TTLL11: variants seen among roughly 807,000 people sequenced by gnomAD.
TTLL11 encodes tubulin polyglutamylase TTLL11.
TTLL11 carries 42 observed loss-of-function variants against 51.7 expected under a neutral mutation model. The ratio of observed to expected loss-of-function variants is 0.81; its 90% CI spans 0.64 to 1.05. TTLL11 has a LOEUF of 1.05. Ranked by LOEUF, TTLL11 falls within the 50% of genes least tolerant of loss-of-function variation. The pLI, the probability that TTLL11 is intolerant of heterozygous loss-of-function variation, is 0.00. For synonymous variants in TTLL11, 381 were observed against 383.5 expected, an observed-to-expected ratio of 0.99 and a Z score of 0.08; for missense variants, 799 against 940.4, an observed-to-expected ratio of 0.85 and a Z score of 1.97.
intron 8 of TTLL11, among the ~76,000 whole-genome samples, chr9:121,838,364 G>A (rs1039964269): frequency 2.0e-5 from 3 of 152,016 alleles, no homozygotes; most frequent in Non-Finnish European, 2.9e-5. Flanking sequence ...CAGCCTCCTC[G>A]CTGGTCTCCC....
intron 3 of TTLL11, among the ~76,000 whole-genome samples, chr9:122,000,632 G>A (rs891123278): frequency 1.3e-5 from 2 of 152,140 alleles, no homozygotes; most frequent in African/African-American, 2.4e-5. Context: ...CAAATGGCAT[G>A]GCAACGTCAG....
At position 122,093,302 on chromosome 9, in the gene TTLL11, G is replaced by T; in HGVS notation, c.-154C>A. 6.3e-7 allele frequency: 1 copy of T among 1,576,414 alleles called. No individual in the cohort carries two copies. The highest frequency in any genetic ancestry group is 1.7e-4 in the Middle Eastern group (1 of 5,920). Reference sequence around the variant, plus strand: ...GATCGCTCAGGCTCGGGTTGACAGCGGCAGTCACCGCATCGAGACGGGGTC... The same window carrying T: ...GATCGCTCAGGCTCGGGTTGACAGCTGCAGTCACCGCATCGAGACGGGGTC... On this transcript the variant is annotated 5_prime_UTR_variant, in exon 1 of 9. Transcript: ENST00000321582.
chr9:121,877,955 A>C (rs934433513), intron 6 of TTLL11, among the ~76,000 whole-genome samples: 4 of 152,142 alleles, frequency 2.6e-5, no homozygotes, highest in Non-Finnish European at 5.9e-5. Flanking sequence ...ATCTCCTTTG[A>C]CCCTAGCAAG....
intron 3 of TTLL11, among the ~76,000 whole-genome samples, chr9:121,994,592 G>C (rs1843201750): frequency 6.6e-6 from 1 of 152,182 alleles, no homozygotes. Context: ...GCAGATTCCA[G>C]AGCCCATGCC....
At chr9:121,825,391 C>T (rs1836721398) in intron 8 of TTLL11, among the ~76,000 whole-genome samples, 1 of 152,222 alleles carries the variant, frequency 6.6e-6, no homozygotes, top group South Asian at 2.1e-4. Flanking sequence ...AACTGTGTGT[C>T]CCTGGTCCCT....
intron 6 of TTLL11, among the ~76,000 whole-genome samples, chr9:121,931,581 AT>A (rs199825313): frequency 0.031 from 2,494 of 80,366 alleles, 59 homozygotes; most frequent in South Asian, 0.043. Flanking sequence ...TGTTTCTACT[AT>A]TTAAAAAAAA....
chr9:122,074,737 C>CAA (rs11427901), intron 1 of TTLL11, among the ~76,000 whole-genome samples: 74 of 126,724 alleles, frequency 5.8e-4, no homozygotes, highest in African/African-American at 9.4e-4. Context: ...TTCGTCTCTA[C>CAA]AAAAAAAAAA....
rs140709315 is a variant in TTLL11, at chr9:121,870,713, T to C, written c.1517A>G (p.Glu506Gly). 224 of 1,549,826 alleles carry C rather than the reference T, an allele frequency of 1.4e-4. 1 individual carries two copies. The East Asian group carries it at 5.2e-3, about 36-fold the overall frequency. ...GGTCAGCTCGCCGTCCAAAGCATCTTCCTTTCCAGCGAATGGTTTTTCAAG... is the reference window on the plus strand; with the variant it reads ...GGTCAGCTCGCCGTCCAAAGCATCTCCCTTTCCAGCGAATGGTTTTTCAAG... Reference protein sequence around the residue: ...QQLEKPFAGKEDALDGELTSA... With the variant: ...QQLEKPFAGKGDALDGELTSA... The change falls in exon 7 of 9, where the codon GAA becomes GGA. Residue 506 changes from glutamate to glycine, a missense_variant. Physicochemically the swap from Glu to Gly is moderately conservative, Grantham distance 98. Transcript: ENST00000321582.
intron 6 of TTLL11, among the ~76,000 whole-genome samples, chr9:121,895,569 GGTT>G (rs1182312525): frequency 1.3e-5 from 2 of 151,594 alleles, no homozygotes; most frequent in East Asian, 1.9e-4. Context: ...GTGTCTGTGT[GGTT>G]GTGTGTTTGT....
intron 1 of TTLL11, among the ~76,000 whole-genome samples, chr9:122,047,052 G>T (rs909228474): frequency 2.0e-5 from 3 of 152,122 alleles, no homozygotes; most frequent in Non-Finnish European, 4.4e-5. Context: ...ACCATGGTAG[G>T]GGCTGTGGAA....
intron 8 of TTLL11, 83 bp downstream of exon 8, chr9:121,860,254 C>T (rs1837964051): frequency 2.8e-6 from 3 of 1,063,874 alleles, no homozygotes; most frequent in East Asian, 5.3e-5. Context: ...CCCATCTGAA[C>T]CCTTGACAAG....
At chr9:121,935,573 A>C (rs1841175095) in intron 6 of TTLL11, among the ~76,000 whole-genome samples, 1 of 152,206 alleles carries the variant, frequency 6.6e-6, no homozygotes, top group African/African-American at 2.4e-5. Context: ...TAATCCAATT[A>C]GATTTTAGTT....
At chr9:122,058,349 G>A (rs1845350111) in intron 1 of TTLL11, among the ~76,000 whole-genome samples, 1 of 152,228 alleles carries the variant, frequency 6.6e-6, no homozygotes, top group Admixed American at 6.5e-5. Flanking sequence ...ACTCAGTGGA[G>A]ACAGAATCCA....
chr9:121,904,609 G>A (rs1427762090), intron 6 of TTLL11, among the ~76,000 whole-genome samples: 1 of 152,160 alleles, frequency 6.6e-6, no homozygotes, highest in African/African-American at 2.4e-5. Flanking sequence ...TTTAAGTCTG[G>A]AATCCTCACA....
rs530734872 is a variant in TTLL11, at chr9:121,825,504, T to C, written c.1841-2625A>G. 2.6e-4 allele frequency among the ~76,000 whole-genome samples: 39 copies of C among 152,324 alleles called. 1 individual carries two copies. In the South Asian group the frequency reaches 7.2e-3, roughly 28 times the overall value. ...TAGTATAATAGCACGTCTTCCTCTA[T>C]AAAGGAAGCAGCGTGCTGTCTACAT... On this transcript the variant is annotated intron_variant, in intron 8 of 8. Transcript: ENST00000321582.
At chr9:121,876,207 C>T (rs538150294) in intron 6 of TTLL11, among the ~76,000 whole-genome samples, 1 of 152,172 alleles carries the variant, frequency 6.6e-6, no homozygotes, top group Non-Finnish European at 1.5e-5. Context: ...CTTTTGTGAT[C>T]ATTTGATTTA....
chr9:122,073,675 G>C (rs1845787363), intron 1 of TTLL11, among the ~76,000 whole-genome samples: 1 of 152,120 alleles, frequency 6.6e-6, no homozygotes, highest in South Asian at 2.1e-4. Flanking sequence ...CACCAATCTG[G>C]AACACAGCTA....
At chr9:122,041,924 T>C (rs1018095906) in intron 1 of TTLL11, among the ~76,000 whole-genome samples, 30 of 145,144 alleles carry the variant, frequency 2.1e-4, no homozygotes, top group Admixed American at 6.9e-4. Context: ...AAATCCATCC[T>C]AAAATTCATA....
At chr9:122,085,604 T>C (rs993668371) in intron 1 of TTLL11, among the ~76,000 whole-genome samples, 5 of 152,144 alleles carry the variant, frequency 3.3e-5, no homozygotes, top group South Asian at 4.1e-4. Flanking sequence ...AACATACATA[T>C]ATGGACTACA....
Sources: gnomAD v4.1 joint callset for allele counts (sites outside exome capture counted in the v4.1 genomes callset) on GRCh38, gnomAD v4.1.1 for gene constraint, MANE v1.5 for transcripts, NCBI Gene and HGNC (gene_info 2026-07-23, HGNC 2026-07-21) for gene names.